The following RANBP2 variants were observed in gnomAD, a reference collection of about 807,000 sequenced individuals.
RANBP2 encodes RAN binding protein 2, also known as E3 SUMO-protein ligase RanBP2.
In RANBP2, 57 loss-of-function variants were observed where a neutral mutation model predicts 303.6. The observed-to-expected ratio is 0.19, with a 90% confidence interval of 0.15 to 0.23. RANBP2 has a LOEUF of 0.23. Among genes scored for constraint, RANBP2 ranks in the 10% least tolerant of loss-of-function variants. The probability of loss-of-function intolerance (pLI) is 1.00; values close to 1 mark genes in which losing one functional copy is unlikely to be tolerated. For synonymous variants in RANBP2, 1,167 were observed against 1,301.5 expected (o/e 0.90, Z 2.23); for missense variants, 3,138 against 3,780.8 (o/e 0.83, Z 4.46).
At chr2:109,176,388 T>A in the RANBP2 span, among the ~76,000 whole-genome samples, 1 of 152,154 alleles carries the variant, frequency 6.6e-6, no homozygotes, top group Non-Finnish European at 1.5e-5. Flanking sequence ...CCATGTGCAA[T>A]GGAATGCTGT....
At chr2:109,183,428 A>G in the RANBP2 span, among the ~76,000 whole-genome samples, 15 of 152,184 alleles carry the variant, frequency 9.9e-5, no homozygotes, top group Middle Eastern at 3.2e-3. Context: ...CCTTATATCT[A>G]GATGCATATA....
chr2:109,272,583 G>T, the RANBP2 span, among the ~76,000 whole-genome samples: 2 of 152,220 alleles, frequency 1.3e-5, no homozygotes, highest in Non-Finnish European at 2.9e-5. Flanking sequence ...CAGAGCGCTC[G>T]TTCCTTTGGA....
chr2:109,317,800 T>G, the RANBP2 span, among the ~76,000 whole-genome samples: 1 of 152,210 alleles, frequency 6.6e-6, no homozygotes, highest in Non-Finnish European at 1.5e-5. Flanking sequence ...TAACTGGGGA[T>G]GTATCCTAGG....
At chr2:109,501,832 G>A in the RANBP2 span, 3 of 590,582 alleles carry the variant, frequency 5.1e-6, no homozygotes, top group East Asian at 2.8e-5. Flanking sequence ...GACTGTGGAG[G>A]TCGTGCCTTC....
the RANBP2 span, among the ~76,000 whole-genome samples, chr2:109,521,976 C>T: frequency 1.3e-5 from 2 of 152,146 alleles, no homozygotes; most frequent in African/African-American, 2.4e-5. Context: ...CAGACCCACC[C>T]GAGGGTCCAG....
chr2:109,449,544 C>CT, the RANBP2 span: 1 of 1,571,506 alleles, frequency 6.4e-7, no homozygotes, highest in South Asian at 1.2e-5. Context: ...CTTACTGTAA[C>CT]TTTTTGGCAC....
At chr2:109,546,056 C>T in the RANBP2 span, 123 of 1,573,532 alleles carry the variant, frequency 7.8e-5, no homozygotes, top group African/African-American at 1.1e-3. Flanking sequence ...TTACTTCTTA[C>T]GGTCCTTGTC....
the RANBP2 span, among the ~76,000 whole-genome samples, chr2:109,685,854 G>A: frequency 2.0e-5 from 3 of 152,206 alleles, no homozygotes; most frequent in Admixed American, 6.5e-5. Flanking sequence ...GGTTTCTGGA[G>A]TCATCAGCTG....
At chr2:109,511,697 A>T in the RANBP2 span, among the ~76,000 whole-genome samples, 1 of 152,224 alleles carries the variant, frequency 6.6e-6, no homozygotes, top group Non-Finnish European at 1.5e-5. Context: ...CCAACGTGAG[A>T]CCAGGGCCAG....
chr2:108,971,635 C>T, the RANBP2 span, among the ~76,000 whole-genome samples: 8 of 152,284 alleles, frequency 5.3e-5, no homozygotes, highest in Middle Eastern at 3.4e-3. Flanking sequence ...AGGATCAGCT[C>T]TCTCATTTTA....
the RANBP2 span, among the ~76,000 whole-genome samples, chr2:108,934,510 T>C: frequency 6.6e-6 from 1 of 152,230 alleles, no homozygotes; most frequent in Non-Finnish European, 1.5e-5. Context: ...GGAGCACCTG[T>C]CTTAGTCTGC....
chr2:109,760,749 G>T, the RANBP2 span, among the ~76,000 whole-genome samples: 2 of 144,462 alleles, frequency 1.4e-5, no homozygotes, highest in Admixed American at 7.1e-5. Flanking sequence ...CCTGCTCCAG[G>T]AATGGGACCT....
At chr2:108,971,978 C>T in the RANBP2 span, among the ~76,000 whole-genome samples, 4 of 152,314 alleles carry the variant, frequency 2.6e-5, no homozygotes, top group African/African-American at 9.6e-5. Context: ...GCTCCCGTGG[C>T]CCGGAGCTGA....
the RANBP2 span, among the ~76,000 whole-genome samples, chr2:109,474,609 C>G: frequency 6.6e-6 from 1 of 152,324 alleles, no homozygotes; most frequent in African/African-American, 2.4e-5. Context: ...CAGGTTTGGG[C>G]AGGGGGGGAG....
chr2:108,919,865 TTCCCAGCCCTGGA>T, the RANBP2 span, among the ~76,000 whole-genome samples: 1 of 152,224 alleles, frequency 6.6e-6, no homozygotes, highest in Non-Finnish European at 1.5e-5. Flanking sequence ...CGTAGCTGAC[TTCCCAGCCCTGGA>T]TCTCTCCGCC....
At chr2:109,272,691 A>G in the RANBP2 span, among the ~76,000 whole-genome samples, 1 of 152,240 alleles carries the variant, frequency 6.6e-6, no homozygotes, top group Non-Finnish European at 1.5e-5. Flanking sequence ...TGGAGACAAT[A>G]CAGGCTGGGC....
chr2:109,167,851 G>A, the RANBP2 span, among the ~76,000 whole-genome samples: 5 of 152,206 alleles, frequency 3.3e-5, no homozygotes, highest in African/African-American at 4.8e-5. Context: ...GATTACAGGC[G>A]TGAGCCACTG....
At chr2:109,627,324 G>A in the RANBP2 span, among the ~76,000 whole-genome samples, 1 of 152,146 alleles carries the variant, frequency 6.6e-6, no homozygotes, top group Non-Finnish European at 1.5e-5. Flanking sequence ...AGCCTCCCAA[G>A]TAGCTGAGAT....
the RANBP2 span, among the ~76,000 whole-genome samples, chr2:108,921,047 G>A: frequency 6.6e-6 from 1 of 152,190 alleles, no homozygotes. Flanking sequence ...AATCGGGGGT[G>A]GGCCAAGCAA....
Sources: gnomAD v4.1 joint callset for allele counts (sites outside exome capture counted in the v4.1 genomes callset) on GRCh38, gnomAD v4.1.1 for gene constraint, MANE v1.5 for transcripts, NCBI Gene and HGNC (gene_info 2026-07-23, HGNC 2026-07-21) for gene names.